STEEP1: variants seen among roughly 807,000 people sequenced by gnomAD.
The protein encoded by STEEP1 is STING1 ER exit protein 1, also known as STING ER exit protein.
In STEEP1, 3 loss-of-function variants were observed where a neutral mutation model predicts 19.2. The ratio of observed to expected loss-of-function variants is 0.16; its 90% CI spans 0.07 to 0.40. STEEP1 has a LOEUF of 0.40. Among genes scored for constraint, STEEP1 ranks in the 10% least tolerant of loss-of-function variants. The pLI, the probability that STEEP1 is intolerant of heterozygous loss-of-function variation, is 0.99. For synonymous variants in STEEP1, 46 were observed against 63.7 expected (o/e 0.72, Z 1.32); for missense variants, 54 against 177.1 (o/e 0.30, Z 3.94).
chrX:119,539,823 A>C, intron 6 of STEEP1, 34 bp from the exon 7 acceptor site: 1 of 1,086,259 alleles, frequency 9.2e-7, no homozygotes, highest in South Asian at 1.9e-5. Context: ...GTCTTGATAC[A>C]TGACATGAAA....
rs944178309 is a variant in STEEP1 at position 119,539,020 on chromosome X, G to A, written c.*707C>T. 9.0e-6 allele frequency: 1 copy of A among 111,389 alleles called. No individual in the cohort carries two copies. The highest frequency in any genetic ancestry group is 9.6e-5 in the Admixed American group (1 of 10,383). The allele number at this position is 111,389 out of a possible 1,213,427, so 9.2% of individuals were successfully genotyped here. ...GCTATACCTAAATATAATTCATGGT[G>A]CTTTTCCTATGACACACCATAATAT... On this transcript the variant is annotated 3_prime_UTR_variant, in exon 7 of 7. Coordinates refer to ENST00000644802, the MANE Select transcript of STEEP1 (RefSeq NM_022101.4).
chrX:119,542,378 T>A (rs2053170886), intron 5 of STEEP1, 127 bp downstream of exon 5: 2 of 475,766 alleles, frequency 4.2e-6, no homozygotes, highest in Non-Finnish European at 7.3e-6. Context: ...TAGTTTCTTA[T>A]CAGCAGAGCA....
At chrX:119,557,841 A>T (rs1473714028) in intron 2 of STEEP1, among the ~76,000 whole-genome samples, 1 of 111,911 alleles carries the variant, frequency 8.9e-6, no homozygotes, top group Non-Finnish European at 1.9e-5. Flanking sequence ...CCTTGATTTC[A>T]GACTTCTAGC....
intron 2 of STEEP1, among the ~76,000 whole-genome samples, chrX:119,558,602 T>C (rs188626170): frequency 4.1e-4 from 46 of 111,783 alleles, no homozygotes; most frequent in Non-Finnish European, 6.8e-4. Context: ...TGGAACATAG[T>C]AGGAGCTCGG....
chrX:119,540,664 T>C (rs998500853), intron 6 of STEEP1, among the ~76,000 whole-genome samples: 4 of 112,562 alleles, frequency 3.6e-5, no homozygotes, highest in Non-Finnish European at 7.5e-5. Context: ...ACTACCAAGG[T>C]AGCCCTATCA....
chrX:119,541,254 C>A, intron 6 of STEEP1, 74 bp downstream of exon 6: 1 of 615,885 alleles, frequency 1.6e-6, no homozygotes, highest in Non-Finnish European at 2.7e-6. Context: ...GATTTCCCTG[C>A]CTGCTGAAAG....
chrX:119,545,503 G>T lies in STEEP1; in HGVS notation c.244C>A (p.Pro82Thr), dbSNP rs764570781. Residue 82 changes from proline (P) to threonine (T), a missense_variant and splice_region_variant, in exon 3 of 7, where the codon CCT becomes ACT. Physicochemically the swap from Pro to Thr is conservative, Grantham distance 38 (BLOSUM62 -1). Around this residue, in one of 2 missense-constraint regions of STEEP1, gnomAD observed 47 missense variants for 118.5 expected, o/e 0.40. Coordinates refer to ENST00000644802, the MANE Select transcript of STEEP1 (RefSeq NM_022101.4). ...CTGTACTGTCGTTCAATGCCTTCAG[G>T]TCTGCACAGAAAATGGAAGTTAAAA... ...EDEETMYLRR[P>T]EGIERQYRKK... 1 of 1,160,624 alleles carries T rather than the reference G, an allele frequency of 8.6e-7. No individual in the cohort carries two copies. Among genetic ancestry groups the T allele is most frequent in the Non-Finnish European group, 1.2e-6 (1 of 850,243 alleles).
chrX:119,544,482 C>A lies in STEEP1; in HGVS notation c.294G>T (p.Leu98=). Residue 98 remains leucine (L), a synonymous_variant, in exon 4 of 7, where the codon CTG becomes CTT. Coordinates refer to ENST00000644802, the MANE Select transcript of STEEP1 (RefSeq NM_022101.4). ...TTGGCTGGGATTGGTAGAAGAGCGG[C>A]AGTCCACACCTGCAATGACACAGTG... ...QYRKKCAKCG[L]PLFYQSQPKN... The A allele has an allele frequency of 8.3e-7, 1 of 1,208,157 alleles. No individual in the cohort carries two copies. The highest frequency in any genetic ancestry group is 1.8e-5 in the South Asian group (1 of 56,440).
intron 1 of STEEP1, among the ~76,000 whole-genome samples, chrX:119,563,843 T>A (rs2053338564): frequency 8.9e-6 from 1 of 112,236 alleles, no homozygotes; most frequent in South Asian, 3.7e-4. Flanking sequence ...CAAGACTGAT[T>A]CCAGGTTTTG....
intron 2 of STEEP1, among the ~76,000 whole-genome samples, chrX:119,549,785 G>A (rs1053027251): frequency 8.9e-6 from 1 of 112,048 alleles, no homozygotes; most frequent in Non-Finnish European, 1.9e-5. Flanking sequence ...TGACAGCAAC[G>A]TTAATCCATG....
chrX:119,549,667 T>C (rs1197978579), intron 2 of STEEP1, among the ~76,000 whole-genome samples: 2 of 112,098 alleles, frequency 1.8e-5, no homozygotes, highest in Non-Finnish European at 3.8e-5. Flanking sequence ...GGCTCCGGCA[T>C]TGGGCAAGGG....
chrX:119,553,366 T>C (rs1191402969), intron 2 of STEEP1, among the ~76,000 whole-genome samples: 2 of 111,627 alleles, frequency 1.8e-5, no homozygotes, highest in Non-Finnish European at 3.8e-5. Context: ...GCCAAAGTAC[T>C]TTCCAAAGTC....
At position 119,539,624 on chromosome X, in the gene STEEP1, TTCTGC is replaced by T. The variant is rs2053149568; in HGVS notation, c.*98_*102del. 3.3e-6 allele frequency: 2 copies of T among 600,110 alleles called. No homozygotes were observed. Among genetic ancestry groups the T allele is most frequent in the African/African-American group, 2.2e-5 (1 of 44,896 alleles). The allele number at this position is 600,110 out of a possible 1,213,427, so 49.5% of individuals were successfully genotyped here. Reference sequence around the variant, plus strand: ...AATCAATGGGAAACAACGTAAAGCCTTCTGCTAGGGCATAAATAGGAATCCGTCTA... The same window carrying T: ...AATCAATGGGAAACAACGTAAAGCCTTAGGGCATAAATAGGAATCCGTCTA... On this transcript the variant is annotated 3_prime_UTR_variant, in exon 7 of 7. Coordinates refer to ENST00000644802, the MANE Select transcript of STEEP1 (RefSeq NM_022101.4).
At chrX:119,548,300 C>T (rs1019833627) in intron 2 of STEEP1, among the ~76,000 whole-genome samples, 4 of 110,756 alleles carry the variant, frequency 3.6e-5, no homozygotes, top group Non-Finnish European at 5.7e-5. Flanking sequence ...TGTGGGAGGC[C>T]GAGGCAGGCG....
At chrX:119,543,572 T>A (rs1189999156) in intron 4 of STEEP1, among the ~76,000 whole-genome samples, 2 of 110,883 alleles carry the variant, frequency 1.8e-5, no homozygotes, top group Non-Finnish European at 3.8e-5. Context: ...AACCTCAAAC[T>A]CCTGGGCTAA....
intron 1 of STEEP1, among the ~76,000 whole-genome samples, chrX:119,562,879 A>C (rs941791541): frequency 8.9e-6 from 1 of 111,788 alleles, no homozygotes; most frequent in African/African-American, 3.3e-5. Context: ...AGGAAATTAC[A>C]TTTTAGCAGA....
intron 5 of STEEP1, 55 bp from the exon 6 acceptor site, chrX:119,541,475 A>C (rs993635742): frequency 1.4e-6 from 1 of 700,841 alleles, no homozygotes; most frequent in Non-Finnish European, 2.3e-6. Flanking sequence ...GAATAACAAC[A>C]AAGACGTTAA....
chrX:119,544,149 GTTT>G (rs2053184405), intron 4 of STEEP1, among the ~76,000 whole-genome samples: 1 of 109,280 alleles, frequency 9.2e-6, no homozygotes, highest in Non-Finnish European at 1.9e-5. Context: ...CCCCCAAATC[GTTT>G]TTAACTTTTA....
intron 1 of STEEP1, among the ~76,000 whole-genome samples, chrX:119,564,100 G>C (rs756899848): frequency 9.0e-6 from 1 of 111,471 alleles, no homozygotes; most frequent in East Asian, 2.8e-4. Context: ...GAATGAATGA[G>C]ATCACCTAGG....
Sources: allele counts gnomAD v4.1 joint callset (sites outside exome capture counted in the v4.1 genomes callset), GRCh38; gene constraint gnomAD v4.1.1; regional missense constraint gnomAD v4.1.1; transcripts MANE v1.5; gene names NCBI Gene and HGNC (gene_info 2026-07-23, HGNC 2026-07-21).